The following KDM4A variants were observed in gnomAD, a reference collection of about 807,000 sequenced individuals.
KDM4A encodes lysine-specific demethylase 4A.
A neutral mutation model predicts 127.1 loss-of-function variants in KDM4A; 23 were observed. That is an observed-to-expected ratio of 0.18 (90% confidence interval 0.13 to 0.26). The LOEUF (loss-of-function observed/expected upper bound fraction) is 0.26. Ranked by LOEUF, KDM4A falls within the 10% of genes least tolerant of loss-of-function variation. The pLI, the probability that KDM4A is intolerant of heterozygous loss-of-function variation, is 1.00. For missense variants in KDM4A, 890 were observed against 1,329.1 expected, an observed-to-expected ratio of 0.67 and a Z score of 5.14; for synonymous variants, 443 against 466.5, an observed-to-expected ratio of 0.95 and a Z score of 0.65.
intron 4 of KDM4A, among the ~76,000 whole-genome samples, chr1:43,662,245 T>C (rs1400808304): frequency 1.4e-5 from 2 of 139,994 alleles, no homozygotes; most frequent in African/African-American, 6.6e-5. Context: ...TTTGTGGTCA[T>C]AGAGTTTTTT....
At chr1:43,702,648 G>A (rs1198816507) in intron 19 of KDM4A, 2 of 152,154 alleles carry the variant, frequency 1.3e-5, no homozygotes, top group African/African-American at 4.8e-5. Context: ...AGGACTTGGG[G>A]TACTTACCTG....
At chr1:43,702,605 C>A (rs1023787938) in intron 19 of KDM4A, 2 of 152,172 alleles carry the variant, frequency 1.3e-5, no homozygotes, top group Non-Finnish European at 2.9e-5. Context: ...AAATATCCCC[C>A]CGTATACCAA....
rs1259475462 is a variant in KDM4A at position 43,671,833 on chromosome 1, A to G, written c.1692A>G (p.Lys564=). 3 of 1,589,534 alleles carry G rather than the reference A, an allele frequency of 1.9e-6. No individual in the cohort carries two copies. ...VTVGEPCTRK[K]GSAARSFSER... ...TGGGAGAGCCATGCACGAGGAAGAAAGGAAGCGCCGCTAGAAGTTTCAGTG... is the reference window on the plus strand; with the variant it reads ...TGGGAGAGCCATGCACGAGGAAGAAGGGAAGCGCCGCTAGAAGTTTCAGTG... The change falls in exon 11 of 22, where the codon AAA becomes AAG. Residue 564 remains lysine (K), a synonymous_variant. Coordinates refer to ENST00000372396, the MANE Select transcript of KDM4A (RefSeq NM_014663.3).
intron 12 of KDM4A, among the ~76,000 whole-genome samples, chr1:43,687,045 T>C (rs1660999614): frequency 6.6e-6 from 1 of 152,132 alleles, no homozygotes; most frequent in Non-Finnish European, 1.5e-5. Flanking sequence ...AGCCTGCCTG[T>C]CTGTTTCTGT....
chr1:43,691,298 GA>G (rs772163893), intron 14 of KDM4A, among the ~76,000 whole-genome samples, 197 bp from the exon 15 acceptor site: 20 of 152,142 alleles, frequency 1.3e-4, no homozygotes, highest in Non-Finnish European at 2.4e-4. Context: ...TTGTACCAGT[GA>G]ATCTACAGTT....
chr1:43,664,871 A>G (rs919276616), intron 5 of KDM4A, among the ~76,000 whole-genome samples: 8 of 152,190 alleles, frequency 5.3e-5, no homozygotes, highest in Non-Finnish European at 1.0e-4. Flanking sequence ...AGCCTTCTGT[A>G]TAGGGTTGCC....
chr1:43,684,254 C>T (rs1438048050), intron 12 of KDM4A, among the ~76,000 whole-genome samples: 1 of 152,148 alleles, frequency 6.6e-6, no homozygotes, highest in East Asian at 1.9e-4. Context: ...CCTGTAATCC[C>T]AGCACTTTGG....
At position 43,691,065 on chromosome 1, in the gene KDM4A, C is replaced by A. The variant is rs771264885; in HGVS notation, c.2242+16C>A. 1 of 1,613,028 alleles carries A rather than the reference C, an allele frequency of 6.2e-7. No homozygotes were observed. The highest frequency in any genetic ancestry group is 8.5e-7 in the Non-Finnish European group (1 of 1,179,514). The stretch of plus-strand genomic sequence containing the variant: ...GTCCATGCCAGTGAGTGCTGCTCAC[C>A]TTTCTCTGTGTCCTGTCCCAGGAGT... On this transcript the variant is annotated intron_variant, in intron 14 of 21. Coordinates refer to ENST00000372396, the MANE Select transcript of KDM4A (RefSeq NM_014663.3).
intron 18 of KDM4A, among the ~76,000 whole-genome samples, chr1:43,695,746 C>T (rs1050899957): frequency 3.3e-5 from 5 of 152,110 alleles, no homozygotes; most frequent in Non-Finnish European, 7.3e-5. Context: ...GAAATGGGAA[C>T]ACATAGGCAG....
intron 8 of KDM4A, 55 bp downstream of exon 8, chr1:43,667,146 G>T: frequency 6.3e-7 from 1 of 1,593,230 alleles, no homozygotes; most frequent in Non-Finnish European, 8.6e-7. Context: ...GCAAATTCTG[G>T]TTAGATACGT....
chr1:43,681,596 G>A (rs1361028988), intron 11 of KDM4A, among the ~76,000 whole-genome samples: 3 of 152,156 alleles, frequency 2.0e-5, no homozygotes, highest in African/African-American at 7.2e-5. Flanking sequence ...TCACCTTGGT[G>A]GTCCAGGCTA....
intron 11 of KDM4A, among the ~76,000 whole-genome samples, chr1:43,678,390 G>A (rs1172157579): frequency 6.6e-6 from 1 of 152,056 alleles, no homozygotes; most frequent in Non-Finnish European, 1.5e-5. Flanking sequence ...GAGGTCAGGA[G>A]AACTAGGAAA....
At chr1:43,691,632 G>A in intron 15 of KDM4A, 60 bp downstream of exon 15, 1 of 1,438,220 alleles carries the variant, frequency 7.0e-7, no homozygotes, top group Non-Finnish European at 9.8e-7. Context: ...TTCAGGGCCA[G>A]ACGATTTCAT....
chr1:43,655,255 A>G (rs999615291), intron 2 of KDM4A, among the ~76,000 whole-genome samples: 1 of 152,196 alleles, frequency 6.6e-6, no homozygotes, highest in Non-Finnish European at 1.5e-5. Context: ...CAAATCAAGT[A>G]AAGTTGTGTT....
At chr1:43,687,118 GT>G (rs1474480867) in intron 12 of KDM4A, among the ~76,000 whole-genome samples, 1 of 152,168 alleles carries the variant, frequency 6.6e-6, no homozygotes, top group African/African-American at 2.4e-5. Context: ...CTGTGCTTGG[GT>G]TCTGGGCACC....
At chr1:43,651,301 G>A (rs1285997425) in intron 1 of KDM4A, among the ~76,000 whole-genome samples, 4 of 152,236 alleles carry the variant, frequency 2.6e-5, no homozygotes, top group African/African-American at 9.6e-5. Flanking sequence ...AGATGAGTAT[G>A]TAAGCAGTAT....
Position 43,693,959 on chromosome 1 carries a change from C to T in KDM4A, c.2376-35C>T, listed in dbSNP as rs780336983. The T allele has an allele frequency of 1.9e-6, 3 of 1,579,184 alleles. No homozygotes were observed. The highest frequency in any genetic ancestry group is 2.2e-5 in the East Asian group (1 of 44,764). ...AGAGAAGGCCACAGAGCCTTGGGCC[C>T]AGAGGTGACTGAGGGAGCCTTTGCC... On this transcript the variant is annotated intron_variant, in intron 16 of 21. Coordinates refer to ENST00000372396, the MANE Select transcript of KDM4A (RefSeq NM_014663.3). This position sits in a 1 kb window ranked among gnomAD's most constrained non-coding sequence, Gnocchi z 4.2.
At chr1:43,658,949 C>G (rs1344707350) in intron 3 of KDM4A, among the ~76,000 whole-genome samples, 1 of 151,480 alleles carries the variant, frequency 6.6e-6, no homozygotes, top group Non-Finnish European at 1.5e-5. Context: ...TAGTTTGAAT[C>G]TAAAAGAAGT....
chr1:43,656,781 A>G (rs1660252092), intron 3 of KDM4A, among the ~76,000 whole-genome samples: 1 of 150,296 alleles, frequency 6.7e-6, no homozygotes, highest in African/African-American at 2.5e-5. Flanking sequence ...GCTGGAGTGC[A>G]ATGGTGCAGT....
Sources: allele counts gnomAD v4.1 joint callset (sites outside exome capture counted in the v4.1 genomes callset), GRCh38; gene constraint gnomAD v4.1.1; non-coding constraint Gnocchi (gnomAD v3.1); transcripts MANE v1.5; gene names NCBI Gene and HGNC (gene_info 2026-07-23, HGNC 2026-07-21).